Variants in CDKAL1 observed in about 807,000 individuals in gnomAD.
CDKAL1 encodes the protein threonylcarbamoyladenosine tRNA methylthiotransferase.
CDKAL1 carries 32 observed loss-of-function variants against 68.2 expected under a neutral mutation model. That is an observed-to-expected ratio of 0.47 (90% CI 0.35 to 0.63). The LOEUF is 0.63. Among genes scored for constraint, CDKAL1 ranks in the 30% least tolerant of loss-of-function variants. The pLI, the probability that CDKAL1 is intolerant of heterozygous loss-of-function variation, is 0.00. For missense variants in CDKAL1, 606 were observed against 696.7 expected, an observed-to-expected ratio of 0.87 and a Z score of 1.47; for synonymous variants, 234 against 244.3, an observed-to-expected ratio of 0.96 and a Z score of 0.39.
chr6:20,971,684 G>A (rs574397999), intron 10 of CDKAL1, among the ~76,000 whole-genome samples: 67 of 152,170 alleles, frequency 4.4e-4, no homozygotes, highest in African/African-American at 1.5e-3. Context: ...TTATTGTATT[G>A]AAGTGTTTAC....
intron 8 of CDKAL1, among the ~76,000 whole-genome samples, chr6:20,786,442 A>T (rs547335333): frequency 6.6e-6 from 1 of 151,774 alleles, no homozygotes; most frequent in South Asian, 2.1e-4. Context: ...TAAGGTTGAT[A>T]AGCTGTTTTC....
At chr6:20,712,237 G>C (rs1285629538) in intron 5 of CDKAL1, among the ~76,000 whole-genome samples, 2 of 152,182 alleles carry the variant, frequency 1.3e-5, no homozygotes, top group African/African-American at 4.8e-5. Flanking sequence ...GCTCGGGGCA[G>C]TATGCAGGGT....
At chr6:20,554,813 A>G (rs928760368) in intron 4 of CDKAL1, among the ~76,000 whole-genome samples, 6 of 152,212 alleles carry the variant, frequency 3.9e-5, no homozygotes, top group Non-Finnish European at 7.3e-5. Flanking sequence ...GTTTGCAGCC[A>G]TGCCTGGTGT....
At chr6:20,734,128 A>C (rs906188326) in intron 5 of CDKAL1, among the ~76,000 whole-genome samples, 1 of 150,936 alleles carries the variant, frequency 6.6e-6, no homozygotes, top group African/African-American at 2.4e-5. Context: ...CAACCTGGGC[A>C]TCAGAGCGAG....
At chr6:21,150,860 A>G (rs984293165) in intron 13 of CDKAL1, among the ~76,000 whole-genome samples, 16 of 152,184 alleles carry the variant, frequency 1.1e-4, no homozygotes, top group African/African-American at 3.6e-4. Flanking sequence ...GAGAGCACAC[A>G]TTATTTCTAC....
intron 4 of CDKAL1, among the ~76,000 whole-genome samples, chr6:20,613,444 T>G (rs1766739631): frequency 6.6e-6 from 1 of 150,746 alleles, no homozygotes; most frequent in African/African-American, 2.4e-5. Flanking sequence ...CCGGCTGATT[T>G]TTGTATTTTT....
chr6:20,632,878 A>G (rs1767735166), intron 4 of CDKAL1, among the ~76,000 whole-genome samples: 4 of 152,108 alleles, frequency 2.6e-5, no homozygotes, highest in Admixed American at 2.0e-4. Context: ...CTTTCTGAAG[A>G]GAGTAGAGAA....
intron 13 of CDKAL1, 35 bp downstream of exon 13, chr6:21,108,498 A>G: frequency 7.2e-7 from 1 of 1,387,490 alleles, no homozygotes; most frequent in Non-Finnish European, 1.0e-6. Flanking sequence ...ATTAAGTATT[A>G]AAGTCTTTCC....
chr6:20,966,633 C>G (rs2150746902), intron 10 of CDKAL1, among the ~76,000 whole-genome samples: 2 of 152,214 alleles, frequency 1.3e-5, no homozygotes, highest in South Asian at 2.1e-4. Flanking sequence ...AAAACTGTTG[C>G]AGAAAGTTTA....
intron 4 of CDKAL1, among the ~76,000 whole-genome samples, chr6:20,637,562 C>CAAA (rs1767964654): frequency 6.6e-6 from 1 of 151,898 alleles, no homozygotes; most frequent in Non-Finnish European, 1.5e-5. Flanking sequence ...AACTCTGTCT[C>CAAA]AACAACAACA....
rs1275862546 is a variant in CDKAL1, at chr6:20,593,429, T to G, written c.286+44724T>G. 3.3e-5 allele frequency among the ~76,000 whole-genome samples: 5 copies of G among 152,282 alleles called. 1 individual carries two copies. In the South Asian group the frequency reaches 8.3e-4, roughly 25 times the overall value. On this transcript the variant is annotated intron_variant, in intron 4 of 15. Transcript: ENST00000274695. ...TGTATGTGTCCAGGAATATATCCAT[T>G]TCTTCTACAGTTTCTAGTTTATTTG...
intron 13 of CDKAL1, among the ~76,000 whole-genome samples, chr6:21,171,088 A>T (rs955609581): frequency 3.9e-5 from 6 of 152,190 alleles, no homozygotes; most frequent in African/African-American, 1.4e-4. Context: ...AAGAAACAAT[A>T]AAAAAATAAT....
At chr6:21,012,842 C>T (rs183467695) in intron 11 of CDKAL1, among the ~76,000 whole-genome samples, 6 of 152,262 alleles carry the variant, frequency 3.9e-5, no homozygotes, top group Admixed American at 6.5e-5. Flanking sequence ...GCATGAGCCC[C>T]GGCAATTGCT....
intron 8 of CDKAL1, among the ~76,000 whole-genome samples, chr6:20,803,848 G>A (rs1057265766): frequency 2.6e-5 from 4 of 152,168 alleles, no homozygotes; most frequent in African/African-American, 9.7e-5. Context: ...AGACTATTTG[G>A]TAGAGTAAGT....
intron 10 of CDKAL1, among the ~76,000 whole-genome samples, chr6:20,976,710 A>G (rs1261145109): frequency 6.6e-6 from 1 of 152,238 alleles, no homozygotes; most frequent in East Asian, 1.9e-4. Flanking sequence ...AAATTTGATC[A>G]CTGTTAATTT....
intron 6 of CDKAL1, among the ~76,000 whole-genome samples, chr6:20,745,746 C>T (rs115784682): frequency 0.011 from 1,625 of 152,192 alleles, 27 homozygotes; most frequent in African/African-American, 0.036. Context: ...CAAAAAAAAT[C>T]TAATAATGTT....
intron 9 of CDKAL1, among the ~76,000 whole-genome samples, chr6:20,863,863 T>G (rs989542714): frequency 2.0e-5 from 3 of 152,172 alleles, no homozygotes. Flanking sequence ...TTTGAAAAAT[T>G]TGATTGTTTT....
At chr6:20,820,095 T>G (rs1190655224) in intron 8 of CDKAL1, among the ~76,000 whole-genome samples, 1 of 152,130 alleles carries the variant, frequency 6.6e-6, no homozygotes, top group African/African-American at 2.4e-5. Context: ...AGTTCTTGCT[T>G]CTTCTTGGTC....
intron 10 of CDKAL1, among the ~76,000 whole-genome samples, chr6:20,979,347 A>G (rs1765994796): frequency 6.6e-6 from 1 of 152,214 alleles, no homozygotes; most frequent in Non-Finnish European, 1.5e-5. Flanking sequence ...GACACAAAAC[A>G]CTCTAAATGA....
Sources: allele counts gnomAD v4.1 joint callset (sites outside exome capture counted in the v4.1 genomes callset), GRCh38; gene constraint gnomAD v4.1.1; transcripts MANE v1.5; gene names NCBI Gene and HGNC (gene_info 2026-07-23, HGNC 2026-07-21).